The following CYFIP2 variants were observed in gnomAD, a reference collection of about 807,000 sequenced individuals.
CYFIP2 encodes the protein cytoplasmic FMR1 interacting protein 2, also known as cytoplasmic FMR1-interacting protein 2.
CYFIP2 carries 29 observed loss-of-function variants against 158.7 expected under a neutral mutation model. The observed-to-expected ratio is 0.18, with a 90% CI of 0.14 to 0.25. CYFIP2 has a LOEUF of 0.25. Ranked by LOEUF, CYFIP2 falls within the 10% of genes least tolerant of loss-of-function variation. CYFIP2 has a pLI of 1.00. For synonymous variants in CYFIP2, 585 were observed against 617.6 expected (o/e 0.95, Z 0.78); for missense variants, 852 against 1,639.5 (o/e 0.52, Z 8.29).
intron 1 of CYFIP2, among the ~76,000 whole-genome samples, chr5:157,279,397 A>G (rs1285523251): frequency 6.6e-6 from 1 of 152,264 alleles, no homozygotes; most frequent in Non-Finnish European, 1.5e-5. Context: ...TCAAACAGAT[A>G]ATGACAATGC....
intron 26 of CYFIP2, among the ~76,000 whole-genome samples, chr5:157,367,061 T>C (rs923315374): frequency 5.3e-5 from 8 of 152,116 alleles, no homozygotes; most frequent in African/African-American, 1.9e-4. Context: ...CTTATTAGAG[T>C]GGACCACAGA....
intron 1 of CYFIP2, among the ~76,000 whole-genome samples, chr5:157,270,069 C>T (rs1261295714): frequency 2.0e-5 from 3 of 152,162 alleles, no homozygotes; most frequent in African/African-American, 4.8e-5. Flanking sequence ...ATTCTGGTTG[C>T]GTGGCATTTT....
chr5:157,337,503 C>T (rs751399443), intron 21 of CYFIP2, among the ~76,000 whole-genome samples: 73 of 152,202 alleles, frequency 4.8e-4, no homozygotes, highest in Non-Finnish European at 8.5e-4. Flanking sequence ...TGTCTGGTCT[C>T]TTTAGCCATG....
intron 30 of CYFIP2, among the ~76,000 whole-genome samples, chr5:157,392,351 A>G (rs2113568189): frequency 6.6e-6 from 1 of 152,302 alleles, no homozygotes; most frequent in African/African-American, 2.4e-5. Context: ...TAAGAATTTC[A>G]GTTTAATCTC....
At position 157,395,298 on chromosome 5, in the gene CYFIP2, C is replaced by T; in HGVS notation, c.*2298C>T. On this transcript the variant is annotated 3_prime_UTR_variant, in exon 31 of 31. Coordinates refer to ENST00000620254, the MANE Select transcript of CYFIP2 (RefSeq NM_001037333.3). ...CTCTTTTTATTTTTTTTGTGTGTGT[C>T]TAATAACCAGGAAAAAAATAAAGCT... The T allele has an allele frequency of 7.1e-6, 2 of 282,728 alleles. No homozygotes were observed. Among genetic ancestry groups the T allele is most frequent in the Non-Finnish European group, 1.3e-5 (2 of 148,368 alleles). The allele number at this position is 282,728 out of a possible 1,614,324, so 17.5% of individuals were successfully genotyped here. A position where few individuals can be genotyped will look rare whatever the true frequency, so the allele number is the denominator to read the frequency against.
intron 19 of CYFIP2, among the ~76,000 whole-genome samples, chr5:157,328,328 C>T (rs1761185766): frequency 6.6e-6 from 1 of 152,188 alleles, no homozygotes; most frequent in South Asian, 2.1e-4. Context: ...GGGAAAAGCT[C>T]ATGGGAATGT....
intron 13 of CYFIP2, among the ~76,000 whole-genome samples, chr5:157,316,414 A>G (rs574390623): frequency 1.3e-5 from 2 of 152,346 alleles, no homozygotes; most frequent in African/African-American, 4.8e-5. Flanking sequence ...ATACTTTTAT[A>G]TATTTGTGCA....
rs773461848 is a variant in CYFIP2, at chr5:157,311,619, C to T, written c.993-45C>T. ...GCAGCTAATGCCTGTTCCACCCAGGCGCCTGAGGCTGGGACCCTCTCCGAC... is the reference window on the plus strand; with the variant it reads ...GCAGCTAATGCCTGTTCCACCCAGGTGCCTGAGGCTGGGACCCTCTCCGAC... On this transcript the variant is annotated intron_variant, in intron 10 of 30. Transcript: ENST00000620254. The surrounding 1 kb of genome is among the most constrained non-coding windows in gnomAD (Gnocchi z 4.7). The T allele has an allele frequency of 7.2e-6, 11 of 1,532,258 alleles. No homozygotes were observed. Among genetic ancestry groups the T allele is most frequent in the Middle Eastern group, 1.7e-4 (1 of 5,910 alleles). The allele number at this position is 1,532,258 out of a possible 1,614,324, so 94.9% of individuals were successfully genotyped here. A position where few individuals can be genotyped will look rare whatever the true frequency, so the allele number is the denominator to read the frequency against.
rs1360314857 is a variant in CYFIP2, at chr5:157,322,850, TTTTCTCTCTCTCTCTCTC to T, written c.1672-1058_1672-1041del. 6 of 1,309,088 alleles carry T rather than the reference TTTTCTCTCTCTCTCTCTC, an allele frequency of 4.6e-6. No individual in the cohort carries two copies. The East Asian group carries it at 1.0e-4, about 22-fold the overall frequency. The allele number at this position is 1,309,088 out of a possible 1,614,324, so 81.1% of individuals were successfully genotyped here. A position where few individuals can be genotyped will look rare whatever the true frequency, so the allele number is the denominator to read the frequency against. ...TCCCACCGTATACAATACCTCTTGC[TTTTCTCTCTCTCTCTCTC>T]TTTCTCTCTCTCCCTCTTCCCTGTC... is the stretch of plus-strand genomic sequence containing the variant. On this transcript the variant is annotated intron_variant, in intron 15 of 30. Coordinates refer to ENST00000620254, the MANE Select transcript of CYFIP2 (RefSeq NM_001037333.3).
At position 157,352,935 on chromosome 5, in the gene CYFIP2, T is replaced by C. The variant is rs180812656; in HGVS notation, c.2674-6070T>C. Among the ~76,000 whole-genome samples, 633 of 152,146 alleles carry C rather than the reference T, an allele frequency of 4.2e-3. 9 individuals are homozygous for C. Among genetic ancestry groups the C allele is most frequent in the South Asian group, 0.03 (144 of 4,806 alleles). Reference sequence around the variant, plus strand: ...AGACCCAGCAGAGAGATGGGAAGATTGGAGTGGTGCAGCTGCAAGCCCGGG... The same window carrying C: ...AGACCCAGCAGAGAGATGGGAAGATCGGAGTGGTGCAGCTGCAAGCCCGGG... On this transcript the variant is annotated intron_variant, in intron 23 of 30. Transcript: ENST00000620254.
intron 28 of CYFIP2, chr5:157,384,724 C>G: frequency 2.9e-6 from 1 of 343,788 alleles, no homozygotes; most frequent in South Asian, 2.2e-5. Context: ...CGGATCACCT[C>G]AGGTCAGGAG....
intron 26 of CYFIP2, among the ~76,000 whole-genome samples, chr5:157,379,311 T>C (rs1205667547): frequency 1.3e-5 from 2 of 152,120 alleles, no homozygotes; most frequent in Non-Finnish European, 2.9e-5. Context: ...GTATCTTGAC[T>C]CCTTTCCATG....
At chr5:157,392,249 A>T (rs1025101013) in intron 30 of CYFIP2, among the ~76,000 whole-genome samples, 1 of 152,156 alleles carries the variant, frequency 6.6e-6, no homozygotes, top group Non-Finnish European at 1.5e-5. Flanking sequence ...ATTTTGATGT[A>T]GTGCAACTTT....
At position 157,361,646 on chromosome 5, in the gene CYFIP2, A is replaced by G; in HGVS notation, c.3039+48A>G. The G allele has an allele frequency of 3.1e-6, 5 of 1,610,096 alleles. No individual in the cohort carries two copies. The highest frequency in any genetic ancestry group is 4.2e-6 in the Non-Finnish European group (5 of 1,177,634). On this transcript the variant is annotated intron_variant, in intron 26 of 30. Transcript: ENST00000620254. This position sits in a 1 kb window ranked among gnomAD's most constrained non-coding sequence, Gnocchi z 4.4. The stretch of plus-strand genomic sequence containing the variant: ...GTGGGGTGTCTCCAGGTTGGAGGGG[A>G]TGCCAACCCCAAGCAGATATTGAGG...
chr5:157,365,962 C>T (rs1764330930), intron 26 of CYFIP2, among the ~76,000 whole-genome samples: 1 of 151,894 alleles, frequency 6.6e-6, no homozygotes, highest in Admixed American at 6.6e-5. Flanking sequence ...ATAATGATGT[C>T]ATGAATATTC....
chr5:157,303,812 C>T (rs1758983252), intron 7 of CYFIP2, among the ~76,000 whole-genome samples: 1 of 151,784 alleles, frequency 6.6e-6, no homozygotes, highest in African/African-American at 2.4e-5. Context: ...AAGAGGGAGA[C>T]ACCTGCCCCC....
rs1163184248 is a variant in CYFIP2, at chr5:157,325,600, G to A, written c.1944G>A (p.Thr648=). 11 of 1,611,504 alleles carry A rather than the reference G, an allele frequency of 6.8e-6. No individual in the cohort carries two copies. The highest frequency in any genetic ancestry group is 6.7e-5 in the Admixed American group (4 of 59,728). ...PIEMSMPWIL[T]DHILETKEPS... is the part of the protein sequence containing the mutation. ...AGATGTCCATGCCCTGGATTCTAAC[G>A]GACCATATCCTGGAAACCAAAGAAC... Residue 648 remains threonine, a synonymous_variant, in exon 17 of 31, where the codon ACG becomes ACA. Transcript: ENST00000620254.
intron 26 of CYFIP2, among the ~76,000 whole-genome samples, chr5:157,372,941 A>G (rs1014822465): frequency 3.9e-5 from 6 of 152,258 alleles, no homozygotes; most frequent in African/African-American, 2.4e-5. Flanking sequence ...CCTTCTCCCT[A>G]TGCTCTGTTT....
chr5:157,343,376 A>G (rs1762436571), intron 23 of CYFIP2: 1 of 1,614,062 alleles, frequency 6.2e-7, no homozygotes, highest in African/African-American at 1.3e-5. Flanking sequence ...CGTTCGAGGC[A>G]CCTTCTCCTC....
Sources: allele counts gnomAD v4.1 joint callset (sites outside exome capture counted in the v4.1 genomes callset), GRCh38; gene constraint gnomAD v4.1.1; non-coding constraint Gnocchi (gnomAD v3.1); transcripts MANE v1.5; gene names NCBI Gene and HGNC (gene_info 2026-07-23, HGNC 2026-07-21).